IGSF10: variants seen among roughly 807,000 people sequenced by gnomAD.
IGSF10 encodes immunoglobulin superfamily member 10.
In IGSF10, 126 loss-of-function variants were observed where a neutral mutation model predicts 128.2. The observed-to-expected ratio is 0.98, with a 90% CI of 0.85 to 1.14. The LOEUF (loss-of-function observed/expected upper bound fraction) is 1.14. Among genes scored for constraint, IGSF10 ranks in the 50% most tolerant of loss-of-function variants. The pLI is 0.00. For missense variants in IGSF10, 3,295 were observed against 3,149.8 expected (o/e 1.05, Z -1.10); for synonymous variants, 1,185 against 1,146.2 (o/e 1.03, Z -0.68).
chr3:151,543,588 G>A, the IGSF10 span, among the ~76,000 whole-genome samples: 1 of 152,058 alleles, frequency 6.6e-6, no homozygotes, highest in Admixed American at 6.5e-5. Context: ...CTTTCTCTGG[G>A]TACCAATGCC....
the IGSF10 span, among the ~76,000 whole-genome samples, chr3:151,498,622 T>G: frequency 6.6e-6 from 1 of 152,128 alleles, no homozygotes; most frequent in Non-Finnish European, 1.5e-5. Context: ...ATACAATGTA[T>G]AGCGAATGCA....
At chr3:151,453,316 C>T (rs1721598662) in intron 5 of IGSF10, 68 bp downstream of exon 5, 2 of 1,294,462 alleles carry the variant, frequency 1.5e-6, no homozygotes, top group Non-Finnish European at 1.1e-6. Flanking sequence ...CTCTCCACTT[C>T]CTAATATAAT....
chr3:151,595,453 C>T, the IGSF10 span, among the ~76,000 whole-genome samples: 1 of 150,120 alleles, frequency 6.7e-6, no homozygotes, highest in African/African-American at 2.4e-5. Flanking sequence ...ATATATTTCA[C>T]ATACATAACA....
At chr3:151,474,453 C>T in the IGSF10 span, among the ~76,000 whole-genome samples, 2 of 152,102 alleles carry the variant, frequency 1.3e-5, no homozygotes, top group Non-Finnish European at 2.9e-5. Flanking sequence ...ATATTTCTTC[C>T]AATAAGTTTC....
the IGSF10 span, among the ~76,000 whole-genome samples, chr3:151,593,275 G>A: frequency 6.6e-6 from 1 of 152,022 alleles, no homozygotes; most frequent in Non-Finnish European, 1.5e-5. Context: ...ACCATACCTG[G>A]CTAATTTTTG....
chr3:151,435,990 T>C (rs1056719012), downstream of IGSF10: 6 of 152,320 alleles, frequency 3.9e-5, no homozygotes, highest in South Asian at 6.2e-4. Context: ...AGAAGTTTCA[T>C]TGTATTTTTA....
At chr3:151,613,121 T>C in the IGSF10 span, among the ~76,000 whole-genome samples, 1 of 152,202 alleles carries the variant, frequency 6.6e-6, no homozygotes, top group South Asian at 2.1e-4. Flanking sequence ...TACCTAAGAA[T>C]CCAACTTACA....
chr3:151,560,709 C>G, the IGSF10 span, among the ~76,000 whole-genome samples: 201 of 151,430 alleles, frequency 1.3e-3, 1 homozygote, highest in African/African-American at 3.6e-3. Flanking sequence ...ATAGCCCCCC[C>G]CTCCGTCCCA....
the IGSF10 span, among the ~76,000 whole-genome samples, chr3:151,594,620 C>G: frequency 6.7e-6 from 1 of 148,484 alleles, no homozygotes; most frequent in Admixed American, 6.7e-5. Context: ...CCGCGCCCGG[C>G]CCTTTTTTTT....
rs202079707 is a variant in IGSF10 at position 151,445,908 on chromosome 3, G to C, written c.4073C>G (p.Pro1358Arg). The C allele has an allele frequency of 6.2e-5, 100 of 1,614,010 alleles. No individual in the cohort carries two copies. The Admixed American group carries it at 8.2e-4, about 13-fold the overall frequency. ...QEPQKKNRTD[P>R]NISPDQSSGF... is the part of the protein sequence containing the mutation. ...AGAACTCTGGTCTGGAGAGATGTTT[G>C]GGTCAGTCCTGTTCTTCTTTTGAGG... is the stretch of plus-strand genomic sequence containing the variant. The change falls in exon 6 of 8, where the codon CCA becomes CGA. Residue 1358 changes from proline (P) to arginine (R), a missense_variant. Transcript: ENST00000282466.
chr3:151,444,579 G>A (rs1311928533), intron 6 of IGSF10, among the ~76,000 whole-genome samples: 1 of 152,142 alleles, frequency 6.6e-6, no homozygotes, highest in East Asian at 1.9e-4. Context: ...CCAAAGTGCT[G>A]GGATTACAGA....
the IGSF10 span, among the ~76,000 whole-genome samples, chr3:151,467,280 C>A: frequency 3.3e-5 from 5 of 152,248 alleles, no homozygotes; most frequent in Admixed American, 3.3e-4. Context: ...AAGTTAGATG[C>A]CTTACAAAGT....
chr3:151,538,311 A>G, the IGSF10 span, among the ~76,000 whole-genome samples: 1 of 152,272 alleles, frequency 6.6e-6, no homozygotes, highest in Admixed American at 6.5e-5. Context: ...ATATTTCTTT[A>G]ATTATTAACT....
At chr3:151,599,949 T>TA in the IGSF10 span, among the ~76,000 whole-genome samples, 1 of 152,274 alleles carries the variant, frequency 6.6e-6, no homozygotes, top group East Asian at 1.9e-4. Context: ...TGTCCAAGGA[T>TA]ATTAATGGGC....
At chr3:151,549,896 T>C in the IGSF10 span, among the ~76,000 whole-genome samples, 2 of 152,176 alleles carry the variant, frequency 1.3e-5, no homozygotes, top group Non-Finnish European at 2.9e-5. Context: ...TTATAATTTC[T>C]TCATTCATTT....
At chr3:151,570,111 C>A in the IGSF10 span, among the ~76,000 whole-genome samples, 2 of 152,194 alleles carry the variant, frequency 1.3e-5, no homozygotes, top group African/African-American at 4.8e-5. Flanking sequence ...ATATGTGCCA[C>A]ATTTTCTTAA....
In IGSF10 at chr3:151,443,048, C is replaced by G. The variant is rs1199931972; in HGVS notation, c.5899G>C (p.Gly1967Arg). The change falls in exon 7 of 8, where the codon GGG becomes CGG. Residue 1967 changes from glycine (G) to arginine (R), a missense_variant. Coordinates refer to ENST00000282466, the MANE Select transcript of IGSF10 (RefSeq NM_178822.5). ...CACATTATTTGGGGTTTGGGCTCCC[C>G]AGTGGCTGAGCAGTTCAGTAGTAAT... The part of the protein sequence containing the change: ...DKLLLNCSAT[G>R]EPKPQIMWRL... The G allele has an allele frequency of 6.2e-7, 1 of 1,614,240 alleles. No individual in the cohort carries two copies. Among genetic ancestry groups the G allele is most frequent in the Non-Finnish European group, 8.5e-7 (1 of 1,180,052 alleles).
At chr3:151,593,106 TA>T in the IGSF10 span, among the ~76,000 whole-genome samples, 4 of 152,298 alleles carry the variant, frequency 2.6e-5, no homozygotes, top group African/African-American at 7.2e-5. Flanking sequence ...AATTAGCATG[TA>T]AAAAATGGTT....
chr3:151,597,091 A>G, the IGSF10 span, among the ~76,000 whole-genome samples: 1 of 151,980 alleles, frequency 6.6e-6, no homozygotes, highest in Non-Finnish European at 1.5e-5. Flanking sequence ...CTCCAAACAC[A>G]CGATTGTCTC....
Sources: gnomAD v4.1 joint callset for allele counts (sites outside exome capture counted in the v4.1 genomes callset) on GRCh38, gnomAD v4.1.1 for gene constraint, MANE v1.5 for transcripts, NCBI Gene and HGNC (gene_info 2026-07-23, HGNC 2026-07-21) for gene names.